The following RORB variants were observed in gnomAD, a reference collection of about 807,000 sequenced individuals.
The protein encoded by RORB is RAR related orphan receptor B.
RORB carries 6 observed loss-of-function variants against 59.1 expected under a neutral mutation model. That is an observed-to-expected ratio of 0.10 (90% confidence interval 0.06 to 0.20). The LOEUF is 0.20. Ranked by LOEUF, RORB falls within the 10% of genes least tolerant of loss-of-function variation. The probability of loss-of-function intolerance (pLI) is 1.00; values close to 1 mark genes in which losing one functional copy is unlikely to be tolerated. For missense variants in RORB, 320 were observed against 560.5 expected, an observed-to-expected ratio of 0.57 and a Z score of 4.33; for synonymous variants, 215 against 204.5, an observed-to-expected ratio of 1.05 and a Z score of -0.44.
intron 1 of RORB, among the ~76,000 whole-genome samples, chr9:74,508,250 A>C (rs1370177538): frequency 6.6e-6 from 1 of 151,996 alleles, no homozygotes; most frequent in Non-Finnish European, 1.5e-5. Flanking sequence ...CAATAATGAG[A>C]ATCCTAGTCA....
At chr9:74,658,318 G>A (rs1025800805) in intron 4 of RORB, among the ~76,000 whole-genome samples, 1 of 152,122 alleles carries the variant, frequency 6.6e-6, no homozygotes, top group Admixed American at 6.5e-5. Flanking sequence ...ACTTTCACCA[G>A]GCATGACCAT....
At chr9:74,679,063 A>T (rs1051290987) in intron 9 of RORB, among the ~76,000 whole-genome samples, 2 of 151,604 alleles carry the variant, frequency 1.3e-5, no homozygotes, top group African/African-American at 4.8e-5. Flanking sequence ...ACAAACAAAA[A>T]AAAAAACAAA....
chr9:74,652,848 T>C (rs1824017143), intron 4 of RORB, among the ~76,000 whole-genome samples: 1 of 152,188 alleles, frequency 6.6e-6, no homozygotes, highest in Admixed American at 6.5e-5. Flanking sequence ...CAATTTCTGC[T>C]TAAAAAAACT....
At chr9:74,528,634 A>G (rs1013988920) in intron 1 of RORB, among the ~76,000 whole-genome samples, 2 of 152,006 alleles carry the variant, frequency 1.3e-5, no homozygotes, top group African/African-American at 4.8e-5. Context: ...ACAACCTGAA[A>G]ATTATTTCTT....
At chr9:74,554,587 A>G (rs890907993) in intron 1 of RORB, among the ~76,000 whole-genome samples, 17 of 152,128 alleles carry the variant, frequency 1.1e-4, no homozygotes, top group African/African-American at 4.1e-4. Flanking sequence ...AAAAAAAAAA[A>G]AGAATAGAAG....
At chr9:74,571,747 T>C (rs955858241) in intron 1 of RORB, among the ~76,000 whole-genome samples, 1 of 152,198 alleles carries the variant, frequency 6.6e-6, no homozygotes, top group Non-Finnish European at 1.5e-5. Flanking sequence ...GTCATGCTCC[T>C]ATAGTTTGAC....
intron 3 of RORB, among the ~76,000 whole-genome samples, chr9:74,640,240 G>GTGTTT (rs1302922777): frequency 6.6e-6 from 1 of 152,016 alleles, no homozygotes; most frequent in Middle Eastern, 3.2e-3. Context: ...TTGGTTTGTT[G>GTGTTT]TGTTTTGTTT....
chr9:74,502,316 T>C lies in RORB; in HGVS notation c.7+4333T>C, dbSNP rs537678196. On this transcript the variant is annotated intron_variant, in intron 1 of 9. Transcript: ENST00000376896. ...AATCTCATAATAATACCTACTTTTT[T>C]CCCCCAAAAGTAGCGTATACACAGT... Among the ~76,000 whole-genome samples, 13 of 152,162 alleles carry C rather than the reference T, an allele frequency of 8.5e-5. No individual in the cohort carries two copies. In the South Asian group the frequency reaches 2.5e-3, roughly 29 times the overall value.
At chr9:74,685,003 T>C (rs77600772) in intron 9 of RORB, among the ~76,000 whole-genome samples, 9,587 of 152,212 alleles carry the variant, frequency 0.063, 361 homozygotes, top group Admixed American at 0.073. Flanking sequence ...TGTTAACACT[T>C]TTGTAGGAAT....
chr9:74,686,406 A>G lies in RORB; in HGVS notation c.*788A>G, dbSNP rs752183053. 3.9e-5 allele frequency: 6 copies of G among 152,554 alleles called. No individual in the cohort carries two copies. Among genetic ancestry groups the G allele is most frequent in the Non-Finnish European group, 8.8e-5 (6 of 68,036 alleles). 9.5% of individuals were successfully genotyped at this position (152,554 alleles called of 1,614,324 possible). ...TCAAAGCCTTGTCAAGATGGTTCAT[A>G]TTGGGAAGGAGACAGTATTTTAAGC... On this transcript the variant is annotated 3_prime_UTR_variant, in exon 10 of 10. Coordinates refer to ENST00000376896, the MANE Select transcript of RORB (RefSeq NM_006914.4).
chr9:74,681,001 G>T (rs910105064), intron 9 of RORB, among the ~76,000 whole-genome samples: 3 of 152,170 alleles, frequency 2.0e-5, no homozygotes, highest in African/African-American at 7.2e-5. Flanking sequence ...GTAGACCCCT[G>T]TAGGTATAAG....
chr9:74,614,239 T>C (rs569793959), intron 1 of RORB, among the ~76,000 whole-genome samples: 1 of 152,182 alleles, frequency 6.6e-6, no homozygotes, highest in Non-Finnish European at 1.5e-5. Flanking sequence ...CAAGGAAATA[T>C]CAGTGGGTAA....
rs1344510354 is a variant in RORB at position 74,606,816 on chromosome 9, G to A, written c.8-23466G>A. On this transcript the variant is annotated intron_variant, in intron 1 of 9. Transcript: ENST00000376896. ...TATATGTTGTTGGTGCCTTTGTACA[G>A]AAAGAAAAGAAACAGACTGAGATCT... 3.3e-5 allele frequency among the ~76,000 whole-genome samples: 5 copies of A among 152,242 alleles called. No individual in the cohort carries two copies. In the East Asian group the frequency reaches 9.6e-4, roughly 29 times the overall value.
chr9:74,533,648 G>A (rs956742954), intron 1 of RORB, among the ~76,000 whole-genome samples: 2 of 152,024 alleles, frequency 1.3e-5, no homozygotes, highest in African/African-American at 2.4e-5. Flanking sequence ...TAAATTGATT[G>A]CAGGGCTGAG....
Position 74,685,983 on chromosome 9 carries a change from A to G in RORB, c.*365A>G. 6.4e-6 allele frequency: 1 copy of G among 156,906 alleles called. No homozygotes were observed. Among genetic ancestry groups the G allele is most frequent in the East Asian group, 1.9e-4 (1 of 5,380 alleles). The allele number at this position is 156,906 out of a possible 1,614,324, so 9.7% of individuals were successfully genotyped here. A position where few individuals can be genotyped will look rare whatever the true frequency, so the allele number is the denominator to read the frequency against. On this transcript the variant is annotated 3_prime_UTR_variant, in exon 10 of 10. Coordinates refer to ENST00000376896, the MANE Select transcript of RORB (RefSeq NM_006914.4). ...TACTTTTCCTGTTGATTGTTCAAAT[A>G]TAATTTAAGAAAATTCCACTTAATA...
chr9:74,556,555 C>T (rs1822292921), intron 1 of RORB, among the ~76,000 whole-genome samples: 1 of 152,186 alleles, frequency 6.6e-6, no homozygotes, highest in South Asian at 2.1e-4. Flanking sequence ...AAAGCCCACC[C>T]TTCCCTGCAT....
At chr9:74,644,142 A>G (rs1416866382) in intron 4 of RORB, among the ~76,000 whole-genome samples, 1 of 152,232 alleles carries the variant, frequency 6.6e-6, no homozygotes, top group African/African-American at 2.4e-5. Flanking sequence ...ATACATGGCC[A>G]TATTCTTGGC....
intron 1 of RORB, among the ~76,000 whole-genome samples, chr9:74,614,302 A>G (rs1823275909): frequency 6.6e-6 from 1 of 152,132 alleles, no homozygotes; most frequent in Admixed American, 6.5e-5. Flanking sequence ...AAGAGATTAA[A>G]ATTTCCCCTT....
At chr9:74,659,687 G>T (rs574759387) in intron 4 of RORB, among the ~76,000 whole-genome samples, 1 of 151,968 alleles carries the variant, frequency 6.6e-6, no homozygotes, top group East Asian at 1.9e-4. Context: ...AGTAGAGATG[G>T]GGTTTCACCA....
Sources: allele counts gnomAD v4.1 joint callset (sites outside exome capture counted in the v4.1 genomes callset), GRCh38; gene constraint gnomAD v4.1.1; transcripts MANE v1.5; gene names NCBI Gene and HGNC (gene_info 2026-07-23, HGNC 2026-07-21).